The following MICAL1 variants were observed in gnomAD, a reference collection of about 807,000 sequenced individuals.
MICAL1 encodes [F-actin]-monooxygenase MICAL1.
In MICAL1, 95 loss-of-function variants were observed where a neutral mutation model predicts 131.8. The ratio of observed to expected loss-of-function variants is 0.72; its 90% CI spans 0.61 to 0.86. The LOEUF is 0.86. Ranked by LOEUF, MICAL1 falls within the 40% of genes least tolerant of loss-of-function variation. The probability of loss-of-function intolerance (pLI) is 0.00; values close to 1 mark genes in which losing one functional copy is unlikely to be tolerated. For synonymous variants in MICAL1, 546 were observed against 554.2 expected, an observed-to-expected ratio of 0.99 and a Z score of 0.21; for missense variants, 1,292 against 1,380.6, an observed-to-expected ratio of 0.94 and a Z score of 1.02.
In MICAL1 at chr6:109,445,833, C is replaced by T; in HGVS notation, c.2611G>A (p.Glu871Lys). 1.2e-6 allele frequency: 2 copies of T among 1,608,768 alleles called. No homozygotes were observed. The highest frequency in any genetic ancestry group is 1.7e-6 in the Non-Finnish European group (2 of 1,177,596). ...TCCTCTTCACTGGAGAAGGGACTCT[C>T]TTTTTCCTCCTTCTCCATGGCCACA... Reference protein sequence around the residue: ...ALVAMEKEEKESPFSSEEEEE... With the variant: ...ALVAMEKEEKKSPFSSEEEEE... The change falls in exon 20 of 25, where the codon GAG becomes AAG. Residue 871 changes from glutamate (E) to lysine (K), a missense_variant. Transcript: ENST00000358807.
Position 109,453,983 on chromosome 6 carries a change from C to T in MICAL1, c.214G>A (p.Gly72Ser). The T allele has an allele frequency of 6.2e-7, 1 of 1,614,062 alleles. No individual in the cohort carries two copies. The highest frequency in any genetic ancestry group is 1.1e-5 in the South Asian group (1 of 91,088). Residue 72 changes from glycine (G) to serine (S), a missense_variant, in exon 2 of 25, where the codon GGC becomes AGC. By Grantham distance (56) the Gly-to-Ser change is moderately conservative (BLOSUM62 0). Coordinates refer to ENST00000358807, the MANE Select transcript of MICAL1 (RefSeq NM_022765.4). ...SLWTKLDKRA[G>S]QPVYQQGRAC... Reference sequence around the variant, plus strand: ...CGGCCCTGCTGGTAGACAGGCTGGCCTGCTCGCTTGTCCAGCTTGGTCCAC... The same window carrying T: ...CGGCCCTGCTGGTAGACAGGCTGGCTTGCTCGCTTGTCCAGCTTGGTCCAC...
intron 17 of MICAL1, 65 bp downstream of exon 17, chr6:109,447,008 A>G: frequency 6.3e-7 from 1 of 1,575,098 alleles, no homozygotes. Flanking sequence ...CTCTACCTCA[A>G]GCTCTGTGTC....
At chr6:109,460,425 T>TAAAAA (rs941046868), upstream of MICAL1, among the ~76,000 whole-genome samples, 2 of 88,338 alleles carry the variant, frequency 2.3e-5, no homozygotes, top group African/African-American at 4.2e-5. Context: ...AGACCCTACG[T>TAAAAA]AAAAAAAAAA....
At chr6:109,448,979 A>C in intron 11 of MICAL1, 100 bp from the exon 12 acceptor site, 2 of 1,494,462 alleles carry the variant, frequency 1.3e-6, no homozygotes, top group Non-Finnish European at 1.8e-6. Context: ...GGGGAGGAGG[A>C]GTCAGGGACC....
rs1178902899 is a variant in MICAL1 at position 109,444,194 on chromosome 6, G to T, written c.3201C>A (p.Gly1067=). The change falls in exon 25 of 25, where the codon GGC becomes GGA. Residue 1067 remains glycine, a synonymous_variant. Transcript: ENST00000358807. ...AAAGCAGACGGCCCACCCTCGTCTA[G>T]CCCTGGGCCCCTGTCCCCAAGGCCA... The part of the protein sequence containing the change: ...SELALGTGAQ[G] 6.2e-7 allele frequency: 1 copy of T among 1,612,512 alleles called. No individual in the cohort carries two copies. The highest frequency in any genetic ancestry group is 8.5e-7 in the Non-Finnish European group (1 of 1,179,844).
chr6:109,462,055 T>C (rs974509246), intron 1 of MICAL1, among the ~76,000 whole-genome samples: 5 of 152,232 alleles, frequency 3.3e-5, no homozygotes, highest in Admixed American at 1.3e-4. Flanking sequence ...AGGTAAATTG[T>C]GTCCCCCTAC....
chr6:109,452,294 C>G lies in MICAL1; in HGVS notation c.784G>C (p.Ala262Pro), dbSNP rs1365557452. The stretch of plus-strand genomic sequence containing the variant: ...AAGAAGCTCTGGTTGTAGATCCTGG[C>G]TACACCACTGATCTCCGGCACCTGT... ...ETQVPEISGV[A>P]RIYNQSFFQS... Residue 262 changes from alanine to proline, a missense_variant, in exon 6 of 25, where the codon GCC (alanine) becomes CCC (proline). Coordinates refer to ENST00000358807, the MANE Select transcript of MICAL1 (RefSeq NM_022765.4). 1 of 1,614,166 alleles carries G rather than the reference C, an allele frequency of 6.2e-7. No individual in the cohort carries two copies. Among genetic ancestry groups the G allele is most frequent in the Non-Finnish European group, 8.5e-7 (1 of 1,180,028 alleles).
upstream of MICAL1, among the ~76,000 whole-genome samples, chr6:109,458,236 C>G (rs1311998634): frequency 6.6e-6 from 1 of 152,118 alleles, no homozygotes; most frequent in African/African-American, 2.4e-5. Flanking sequence ...AAAATACTGG[C>G]ACAATCACAT....
rs1004911857 is a variant in MICAL1 at position 109,455,184 on chromosome 6, G to A, written c.-44+535C>T. Among the ~76,000 whole-genome samples, 14 of 152,206 alleles carry A rather than the reference G, an allele frequency of 9.2e-5. No individual in the cohort carries two copies. Among genetic ancestry groups the A allele is most frequent in the Admixed American group, 3.9e-4 (6 of 15,288 alleles). ...ACGCGGGGCCCAGAAGGTATCAGAG[G>A]GTATGGAGGAGGCGGGTGTCCACGG... On this transcript the variant is annotated intron_variant, in intron 1 of 24. Coordinates refer to ENST00000358807, the MANE Select transcript of MICAL1 (RefSeq NM_022765.4). The surrounding 1 kb of genome is among the most constrained non-coding windows in gnomAD (Gnocchi z 4.7).
chr6:109,460,968 T>G (rs1775873155), intron 1 of MICAL1, among the ~76,000 whole-genome samples: 1 of 152,222 alleles, frequency 6.6e-6, no homozygotes, highest in South Asian at 2.1e-4. Flanking sequence ...TAAGCTTTTT[T>G]TTAAATTATA....
At chr6:109,448,908 G>A in intron 11 of MICAL1, 29 bp from the exon 12 acceptor site, 1 of 1,610,548 alleles carries the variant, frequency 6.2e-7, no homozygotes, top group Non-Finnish European at 8.5e-7. Flanking sequence ...CTGTGCCCAA[G>A]GCCCCCTCTG....
intron 1 of MICAL1, among the ~76,000 whole-genome samples, chr6:109,461,834 A>G (rs1405632766): frequency 2.6e-5 from 4 of 152,178 alleles, no homozygotes; most frequent in Non-Finnish European, 5.9e-5. Flanking sequence ...TAAAGTTTTA[A>G]AAGCCTGTGC....
At chr6:109,457,130 C>T (rs949774394), upstream of MICAL1, among the ~76,000 whole-genome samples, 2 of 152,126 alleles carry the variant, frequency 1.3e-5, no homozygotes, top group Non-Finnish European at 2.9e-5. Context: ...GACCTGAACA[C>T]TCACTGTTCC....
rs79528449 is a variant in MICAL1 at position 109,464,905 on chromosome 6, C to T, written c.14+759G>A. 3 of 152,272 alleles carry T rather than the reference C, an allele frequency of 2.0e-5. No individual in the cohort carries two copies. In the East Asian group the frequency reaches 5.8e-4, roughly 29 times the overall value. The allele number at this position is 152,272 out of a possible 1,614,324, so 9.4% of individuals were successfully genotyped here. A position where few individuals can be genotyped will look rare whatever the true frequency, so the allele number is the denominator to read the frequency against. On this transcript the variant is annotated intron_variant, in intron 1 of 24. Transcript: ENST00000630715. ...CTTCCATCTCCAGAAAGTTATCAGA[C>T]ACAACACGTAGATCAACATTTTCAG...
rs373526355 is a variant in MICAL1, at chr6:109,447,662, C to T, written c.1986+19G>A. On this transcript the variant is annotated intron_variant, in intron 15 of 24. Transcript: ENST00000358807. The stretch of plus-strand genomic sequence containing the variant: ...TAAAATGTGGGGTAGGAGACCGACC[C>T]GCCCCTGCCTGCATTCACCTCCAAG... 3.5e-5 allele frequency: 56 copies of T among 1,613,758 alleles called. No homozygotes were observed. Among genetic ancestry groups the T allele is most frequent in the Admixed American group, 2.2e-4 (13 of 59,976 alleles).
chr6:109,452,464 A>G, intron 5 of MICAL1, 47 bp downstream of exon 5: 1 of 1,611,682 alleles, frequency 6.2e-7, no homozygotes, highest in Non-Finnish European at 8.5e-7. Flanking sequence ...AGAAAGGCCC[A>G]GGATGTGCCA....
chr6:109,446,380 T>C lies in MICAL1; in HGVS notation c.2337A>G (p.Pro779=). The C allele has an allele frequency of 6.3e-7, 1 of 1,598,836 alleles. No individual in the cohort carries two copies. The highest frequency in any genetic ancestry group is 8.5e-7 in the Non-Finnish European group (1 of 1,175,578). The change falls in exon 19 of 25, where the codon CCA becomes CCG. Residue 779 remains proline (P), a synonymous_variant. Transcript: ENST00000358807. ...AGGCTGTGGGAGTTGAGAGGCCTGGTGGCATGCTATTCTCACTTGGTGTGG... is the reference window on the plus strand; with the variant it reads ...AGGCTGTGGGAGTTGAGAGGCCTGGCGGCATGCTATTCTCACTTGGTGTGG... The part of the protein sequence containing the change: ...ELPTPSENSM[P]PGLSTPTASQ...
intron 1 of MICAL1, chr6:109,465,483 A>C: frequency 1.5e-6 from 1 of 673,122 alleles, no homozygotes; most frequent in South Asian, 2.0e-5. Flanking sequence ...TTGTCCTAGA[A>C]AACAAAAAAA....
Position 109,447,700 on chromosome 6 carries a change from C to G in MICAL1, c.1967G>C (p.Gly656Ala), listed in dbSNP as rs1216403323. 2 of 1,614,102 alleles carry G rather than the reference C, an allele frequency of 1.2e-6. No homozygotes were observed. Among genetic ancestry groups the G allele is most frequent in the African/African-American group, 2.7e-5 (2 of 75,000 alleles). Residue 656 changes from glycine (G) to alanine (A), a missense_variant, in exon 15 of 25, where the codon GGC becomes GCC. Gly to Ala is a moderately conservative substitution (Grantham distance 60). Coordinates refer to ENST00000358807, the MANE Select transcript of MICAL1 (RefSeq NM_022765.4). ...ATTCACCTCCAAGCGCAGCTTCTTG[C>G]CACCAGCATCCTCTGCATTTTCCTG... ...RAKENAEDAG[G>A]KKLRLEMEAE...
Sources: allele counts gnomAD v4.1 joint callset (sites outside exome capture counted in the v4.1 genomes callset), GRCh38; gene constraint gnomAD v4.1.1; non-coding constraint Gnocchi (gnomAD v3.1); transcripts MANE v1.5; gene names NCBI Gene and HGNC (gene_info 2026-07-23, HGNC 2026-07-21).